Variants in ZNF791 observed in about 807,000 individuals in gnomAD.
ZNF791 encodes zinc finger protein 791.
Under a neutral mutation model 11.5 loss-of-function variants are expected in ZNF791, and 4 were observed. The ratio of observed to expected loss-of-function variants is 0.35; its 90% confidence interval spans 0.17 to 0.80. ZNF791 has a LOEUF of 0.80. Ranked by LOEUF, ZNF791 falls within the 30% of genes least tolerant of loss-of-function variation. ZNF791 has a pLI of 0.53. For missense variants in ZNF791, 559 were observed against 699.4 expected, an observed-to-expected ratio of 0.80 and a Z score of 2.26; for synonymous variants, 212 against 228.1, an observed-to-expected ratio of 0.93 and a Z score of 0.64.
chr19:12,622,414 A>AAC (rs2023367494), intron 1 of ZNF791, among the ~76,000 whole-genome samples: 1 of 144,372 alleles, frequency 6.9e-6, no homozygotes. Flanking sequence ...TCTCAAACAA[A>AAC]AAAAAAAAAA....
chr19:12,628,067 C>T lies in ZNF791; in HGVS notation c.538C>T (p.Arg180Trp), dbSNP rs774924471. ...TCACCAGCCCTTTCAAAGACATGAG[C>T]GGACTCACATTGGAGAAAAACCCTA... Reference protein sequence around the residue: ...IYHQPFQRHERTHIGEKPYEC... With the variant: ...IYHQPFQRHEWTHIGEKPYEC... Residue 180 changes from arginine (R) to tryptophan (W), a missense_variant, in exon 4 of 4, where the codon CGG becomes TGG. By Grantham distance (101) the Arg-to-Trp change is moderately radical. Transcript: ENST00000343325. 14 of 1,613,230 alleles carry T rather than the reference C, an allele frequency of 8.7e-6. No individual in the cohort carries two copies. The highest frequency in any genetic ancestry group is 5.0e-5 in the Admixed American group (3 of 59,854).
At chr19:12,624,933 C>T (rs531583076) in intron 3 of ZNF791, among the ~76,000 whole-genome samples, 1 of 151,622 alleles carries the variant, frequency 6.6e-6, no homozygotes, top group South Asian at 2.1e-4. Flanking sequence ...CGCCTGTAAT[C>T]CCAGCTACTC....
At chr19:12,612,546 A>G (rs2023175202) in intron 1 of ZNF791, among the ~76,000 whole-genome samples, 1 of 149,084 alleles carries the variant, frequency 6.7e-6, no homozygotes. Flanking sequence ...GGTTCAAGCG[A>G]TTCTCCTGCC....
chr19:12,623,251 A>G (rs2023380263), intron 1 of ZNF791: 1 of 157,344 alleles, frequency 6.4e-6, no homozygotes. Context: ...AATATACACA[A>G]AATACTTACC....
At chr19:12,611,566 A>G (rs1479875381) in intron 1 of ZNF791, among the ~76,000 whole-genome samples, 1 of 151,558 alleles carries the variant, frequency 6.6e-6, no homozygotes, top group African/African-American at 2.4e-5. Context: ...ATCGTCACCA[A>G]CTCTTTGTCC....
At chr19:12,621,799 C>A (rs1407480757) in intron 1 of ZNF791, among the ~76,000 whole-genome samples, 3 of 128,262 alleles carry the variant, frequency 2.3e-5, no homozygotes, top group Non-Finnish European at 5.0e-5. Flanking sequence ...CGGCCAGCCG[C>A]CCCGTCCGGG....
chr19:12,613,072 C>T (rs1599318792), intron 1 of ZNF791, among the ~76,000 whole-genome samples: 2 of 152,132 alleles, frequency 1.3e-5, no homozygotes, highest in East Asian at 3.9e-4. Context: ...ATTCTCCTGC[C>T]TTAGCCTCCC....
chr19:12,625,511 A>T (rs1415950953), intron 3 of ZNF791, among the ~76,000 whole-genome samples: 1 of 151,850 alleles, frequency 6.6e-6, no homozygotes, highest in Admixed American at 6.6e-5. Flanking sequence ...TGGGCCGGGC[A>T]CTGTGCCTCA....
intron 3 of ZNF791, 143 bp downstream of exon 3, chr19:12,624,853 G>A: frequency 2.2e-6 from 1 of 461,906 alleles, no homozygotes; most frequent in South Asian, 4.5e-5. Flanking sequence ...TTCAAGACCA[G>A]CCTGGCCAAC....
intron 1 of ZNF791, among the ~76,000 whole-genome samples, chr19:12,619,229 G>A (rs1200300812): frequency 1.3e-5 from 2 of 151,988 alleles, no homozygotes; most frequent in African/African-American, 4.8e-5. Flanking sequence ...CTTTTTCACG[G>A]TTTTGTTTTT....
At chr19:12,616,297 A>G (rs533606762) in intron 1 of ZNF791, among the ~76,000 whole-genome samples, 1 of 152,270 alleles carries the variant, frequency 6.6e-6, no homozygotes, top group South Asian at 2.1e-4. Context: ...TTGAGATTTA[A>G]GAGTTCGAAT....
At position 12,624,682 on chromosome 19, in the gene ZNF791, C is replaced by G. The variant is rs749484383; in HGVS notation, c.163C>G (p.Gln55Glu). ...EKWEDPNVED[Q>E]HKNQGRNLRS... ...ATGGGAAGACCCGAATGTTGAAGAT[C>G]AACACAAAAACCAAGGACGAAATCT... The change falls in exon 3 of 4, where the codon CAA becomes GAA. Residue 55 changes from glutamine (Q) to glutamate (E), a missense_variant. Gln to Glu is a conservative substitution (Grantham distance 29). Coordinates refer to ENST00000343325, the MANE Select transcript of ZNF791 (RefSeq NM_153358.3). 1 of 1,607,770 alleles carries G rather than the reference C, an allele frequency of 6.2e-7. No individual in the cohort carries two copies. Among genetic ancestry groups the G allele is most frequent in the Non-Finnish European group, 8.5e-7 (1 of 1,176,674 alleles).
intron 1 of ZNF791, among the ~76,000 whole-genome samples, chr19:12,620,499 G>T (rs1348256142): frequency 6.6e-6 from 1 of 152,072 alleles, no homozygotes; most frequent in Admixed American, 6.6e-5. Context: ...TCTATTAAAT[G>T]TAAATGTAAA....
intron 1 of ZNF791, among the ~76,000 whole-genome samples, chr19:12,618,964 C>A (rs2023290203): frequency 6.6e-6 from 1 of 151,492 alleles, no homozygotes; most frequent in South Asian, 2.1e-4. Context: ...TCTCCTGCTT[C>A]AGCCTCCCGA....
At position 12,611,043 on chromosome 19, in the gene ZNF791, C is replaced by T; in HGVS notation, c.-37C>T. ...TGTACCCTGCGCTGGCTCCGTGAAC[C>T]TTAGGGACAACACCGGGACACCCGC... is the stretch of plus-strand genomic sequence containing the variant. On this transcript the variant is annotated 5_prime_UTR_variant, in exon 1 of 4. Transcript: ENST00000343325. 5.0e-6 allele frequency: 8 copies of T among 1,614,100 alleles called. No homozygotes were observed. Among genetic ancestry groups the T allele is most frequent in the Non-Finnish European group, 6.8e-6 (8 of 1,179,988 alleles).
chr19:12,620,778 T>TTTTTA, intron 1 of ZNF791, among the ~76,000 whole-genome samples: 1 of 145,758 alleles, frequency 6.9e-6, no homozygotes, highest in Non-Finnish European at 1.5e-5. Flanking sequence ...TTTTTTTTTT[T>TTTTTA]GAGATAGAGT....
At chr19:12,619,163 C>T (rs2023294031) in intron 1 of ZNF791, among the ~76,000 whole-genome samples, 1 of 152,018 alleles carries the variant, frequency 6.6e-6, no homozygotes, top group Non-Finnish European at 1.5e-5. Context: ...GTATATTTCT[C>T]ATATGCTAGT....
intron 1 of ZNF791, chr19:12,612,291 A>G (rs1445028751): frequency 9.7e-6 from 2 of 206,778 alleles, no homozygotes; most frequent in Non-Finnish European, 1.7e-5. Flanking sequence ...CTCCACCCTC[A>G]GCATCCCAAA....
intron 1 of ZNF791, among the ~76,000 whole-genome samples, chr19:12,620,834 C>T (rs1388217166): frequency 7.0e-6 from 1 of 142,804 alleles, no homozygotes; most frequent in East Asian, 2.0e-4. Context: ...GATCTTGGCT[C>T]ACTGCAACCT....
Sources: allele counts gnomAD v4.1 joint callset (sites outside exome capture counted in the v4.1 genomes callset), GRCh38; gene constraint gnomAD v4.1.1; transcripts MANE v1.5; gene names NCBI Gene and HGNC (gene_info 2026-07-23, HGNC 2026-07-21).